Variants in SLC35F4 observed in about 807,000 individuals in gnomAD.
SLC35F4 encodes chromosome 14 open reading frame 36.
In SLC35F4, 24 loss-of-function variants were observed where a neutral mutation model predicts 44.2. That is an observed-to-expected ratio of 0.54 (90% CI 0.39 to 0.76). The LOEUF is 0.76. SLC35F4 is among the 30% of genes least tolerant of loss of function. The pLI, the probability that SLC35F4 is intolerant of heterozygous loss-of-function variation, is 0.00. For missense variants in SLC35F4, 562 were observed against 586.1 expected, an observed-to-expected ratio of 0.96 and a Z score of 0.42; for synonymous variants, 238 against 223.6, an observed-to-expected ratio of 1.06 and a Z score of -0.57.
chr14:57,794,168 G>A (rs1940442415), intron 1 of SLC35F4, among the ~76,000 whole-genome samples: 1 of 151,966 alleles, frequency 6.6e-6, no homozygotes, highest in South Asian at 2.1e-4. Context: ...TTATGACTAA[G>A]ACCCCAAAAA....
At chr14:57,938,388 C>T (rs1220129775) in intron 1 of SLC35F4, among the ~76,000 whole-genome samples, 4 of 152,100 alleles carry the variant, frequency 2.6e-5, no homozygotes, top group Non-Finnish European at 4.4e-5. Flanking sequence ...TGGTTAAGAA[C>T]GGGAGGTTCA....
At chr14:57,866,957 A>AAATAATAATAATAATAATAAT (rs4035380), upstream of SLC35F4, among the ~76,000 whole-genome samples, 2 of 136,060 alleles carry the variant, frequency 1.5e-5, no homozygotes, top group African/African-American at 2.7e-5. Flanking sequence ...AGCTTCCTGC[A>AAATAATAATAATAATAATAAT]AATAATAATA....
At chr14:57,895,460 G>A (rs755412293) in intron 1 of SLC35F4, among the ~76,000 whole-genome samples, 2 of 151,998 alleles carry the variant, frequency 1.3e-5, no homozygotes, top group Admixed American at 1.3e-4. Flanking sequence ...GGGCCTGGTC[G>A]GATGTGATCA....
At chr14:57,564,955 A>G (rs1001161324) in intron 7 of SLC35F4, among the ~76,000 whole-genome samples, 2 of 151,872 alleles carry the variant, frequency 1.3e-5, no homozygotes, top group African/African-American at 4.8e-5. Flanking sequence ...CCCCCTATAG[A>G]TTTGCCTATT....
intron 1 of SLC35F4, among the ~76,000 whole-genome samples, chr14:57,809,022 C>T (rs1881669451): frequency 6.6e-6 from 1 of 152,154 alleles, no homozygotes; most frequent in Non-Finnish European, 1.5e-5. Flanking sequence ...TTTTGCCCAG[C>T]CACATTCTTC....
chr14:57,767,533 C>T (rs1257415829), intron 1 of SLC35F4, among the ~76,000 whole-genome samples: 1 of 151,794 alleles, frequency 6.6e-6, no homozygotes, highest in Non-Finnish European at 1.5e-5. Context: ...ATGTAGGATA[C>T]AGTTAAAGCA....
chr14:57,837,095 C>T (rs1885005851), intron 1 of SLC35F4, among the ~76,000 whole-genome samples: 1 of 152,138 alleles, frequency 6.6e-6, no homozygotes, highest in Non-Finnish European at 1.5e-5. Context: ...ACTGGTCTTC[C>T]ACTTATACAT....
chr14:57,660,008 G>A (rs2074087889), intron 1 of SLC35F4, among the ~76,000 whole-genome samples: 2 of 152,120 alleles, frequency 1.3e-5, no homozygotes, highest in South Asian at 2.1e-4. Flanking sequence ...ACAAGAGACA[G>A]GTCCACAAGA....
intron 1 of SLC35F4, among the ~76,000 whole-genome samples, chr14:57,686,955 T>C (rs541949987): frequency 7.0e-6 from 1 of 142,880 alleles, no homozygotes; most frequent in East Asian, 2.0e-4. Context: ...ATAGGAATAA[T>C]TAGGTGAAAA....
intron 1 of SLC35F4, among the ~76,000 whole-genome samples, chr14:57,771,818 G>T (rs755062175): frequency 6.6e-6 from 1 of 152,124 alleles, no homozygotes; most frequent in Non-Finnish European, 1.5e-5. Flanking sequence ...GGTTTTGAAC[G>T]CCTGCGCTCA....
At chr14:57,811,978 T>C (rs972469773) in intron 1 of SLC35F4, among the ~76,000 whole-genome samples, 1 of 152,260 alleles carries the variant, frequency 6.6e-6, no homozygotes, top group Middle Eastern at 3.4e-3. Flanking sequence ...CAAGATTCTG[T>C]TTCTAAAAAT....
At chr14:57,826,680 G>A (rs1374779828) in intron 1 of SLC35F4, among the ~76,000 whole-genome samples, 1 of 150,288 alleles carries the variant, frequency 6.7e-6, no homozygotes, top group East Asian at 2.0e-4. Context: ...AAAAAAACTA[G>A]TAAGAAGTGG....
At chr14:57,807,374 C>T (rs1056272816) in intron 1 of SLC35F4, among the ~76,000 whole-genome samples, 1 of 151,902 alleles carries the variant, frequency 6.6e-6, no homozygotes, top group Non-Finnish European at 1.5e-5. Context: ...GTTAGCAACC[C>T]ACAGAGCCAA....
chr14:57,679,268 A>G (rs2074807020), intron 1 of SLC35F4, among the ~76,000 whole-genome samples: 1 of 152,120 alleles, frequency 6.6e-6, no homozygotes, highest in South Asian at 2.1e-4. Context: ...CTGCTCCTGA[A>G]TGACTACTGG....
intron 1 of SLC35F4, among the ~76,000 whole-genome samples, chr14:57,704,002 G>T (rs2075607757): frequency 6.6e-6 from 1 of 152,072 alleles, no homozygotes. Flanking sequence ...TTCCACTACT[G>T]CCATCCCAGA....
chr14:57,617,840 G>A lies in SLC35F4; in HGVS notation c.104-23716C>T, dbSNP rs2071937238. Reference sequence around the variant, plus strand: ...ATAGGGAACCTGGGACTTACTGAATGCCATTTACAGGTCGTGATAGTTTAG... The same window carrying A: ...ATAGGGAACCTGGGACTTACTGAATACCATTTACAGGTCGTGATAGTTTAG... On this transcript the variant is annotated intron_variant, in intron 1 of 7. Coordinates refer to ENST00000556826, the MANE Select transcript of SLC35F4 (RefSeq NM_001306087.2). 7.9e-5 allele frequency among the ~76,000 whole-genome samples: 12 copies of A among 152,270 alleles called. No individual in the cohort carries two copies. The South Asian group carries it at 2.5e-3, about 32-fold the overall frequency.
At chr14:57,757,415 G>A (rs1304560943) in intron 1 of SLC35F4, among the ~76,000 whole-genome samples, 7 of 151,834 alleles carry the variant, frequency 4.6e-5, no homozygotes, top group South Asian at 2.1e-4. Context: ...GTTTTTATTA[G>A]CGCCATCTGT....
At chr14:57,687,475 C>T (rs898940609) in intron 1 of SLC35F4, among the ~76,000 whole-genome samples, 9 of 152,154 alleles carry the variant, frequency 5.9e-5, no homozygotes, top group Non-Finnish European at 1.2e-4. Context: ...AAACAGGAAA[C>T]ATCTTTCTCA....
intron 1 of SLC35F4, among the ~76,000 whole-genome samples, chr14:57,717,704 ATTTCT>A (rs1259845350): frequency 1.3e-5 from 2 of 152,110 alleles, no homozygotes; most frequent in African/African-American, 4.8e-5. Flanking sequence ...AAAAACTTTA[ATTTCT>A]TTTACTTTTA....
Sources: allele counts gnomAD v4.1 joint callset (sites outside exome capture counted in the v4.1 genomes callset), GRCh38; gene constraint gnomAD v4.1.1; transcripts MANE v1.5; gene names NCBI Gene and HGNC (gene_info 2026-07-23, HGNC 2026-07-21).